Variants in CALD1 observed in about 807,000 individuals in gnomAD.
CALD1 encodes the protein caldesmon 1.
CALD1 carries 33 observed loss-of-function variants against 99.9 expected under a neutral mutation model. The ratio of observed to expected loss-of-function variants is 0.33; its 90% CI spans 0.25 to 0.44. The LOEUF (loss-of-function observed/expected upper bound fraction) is 0.44, where lower values mean the gene tolerates loss of function less well. Among genes scored for constraint, CALD1 ranks in the 20% least tolerant of loss-of-function variants. The pLI is 1.00. For missense variants in CALD1, 861 were observed against 962.1 expected (o/e 0.89, Z 1.39); for synonymous variants, 310 against 325.0 (o/e 0.95, Z 0.50).
chr7:134,951,139 A>G (rs1563127003), intron 9 of CALD1, among the ~76,000 whole-genome samples: 1 of 152,178 alleles, frequency 6.6e-6, no homozygotes. Flanking sequence ...CACTAGTCCC[A>G]TTCACAAGGG....
At chr7:134,790,258 A>T (rs1004586708) in intron 1 of CALD1, among the ~76,000 whole-genome samples, 1 of 152,136 alleles carries the variant, frequency 6.6e-6, no homozygotes, top group African/African-American at 2.4e-5. Flanking sequence ...CAGGTTAAGG[A>T]TGGTTGAGAA....
intron 3 of CALD1, among the ~76,000 whole-genome samples, chr7:134,898,198 T>C (rs563510707): frequency 6.6e-6 from 1 of 152,336 alleles, no homozygotes; most frequent in Non-Finnish European, 1.5e-5. Flanking sequence ...CGCTTCAACT[T>C]GCTGCGACAC....
rs978503279 is a variant in CALD1 at position 134,968,365 on chromosome 7, C to G, written c.*20C>G. 2 of 1,612,548 alleles carry G rather than the reference C, an allele frequency of 1.2e-6. No individual in the cohort carries two copies. The highest frequency in any genetic ancestry group is 3.3e-5 in the Admixed American group (2 of 59,998). On this transcript the variant is annotated 3_prime_UTR_variant, in exon 15 of 15. Transcript: ENST00000361675. ...GTTTGAGACAGTTCCAGAAAGAACCCAAGCTCAAGACGCAGGACGAGCTCA... is the reference window on the plus strand; with the variant it reads ...GTTTGAGACAGTTCCAGAAAGAACCGAAGCTCAAGACGCAGGACGAGCTCA...
intron 1 of CALD1, among the ~76,000 whole-genome samples, chr7:134,814,126 T>G (rs1798466166): frequency 6.6e-6 from 1 of 152,058 alleles, no homozygotes; most frequent in African/African-American, 2.4e-5. Context: ...GAGGATAATA[T>G]TTTCAGGAAG....
intron 1 of CALD1, among the ~76,000 whole-genome samples, chr7:134,790,425 T>C (rs778591183): frequency 6.6e-6 from 1 of 152,198 alleles, no homozygotes; most frequent in Non-Finnish European, 1.5e-5. Context: ...AGCTCCTCCC[T>C]AACTCCAACC....
chr7:134,812,758 T>C (rs1316412901), intron 1 of CALD1, among the ~76,000 whole-genome samples: 2 of 152,198 alleles, frequency 1.3e-5, no homozygotes, highest in Non-Finnish European at 1.5e-5. Context: ...ATTGGAATTG[T>C]TAAATAAGCA....
At chr7:134,726,351 ATATAT>A in the CALD1 span, among the ~76,000 whole-genome samples, 16 of 147,640 alleles carry the variant, frequency 1.1e-4, no homozygotes, top group Non-Finnish European at 1.6e-4. Flanking sequence ...ATTGATCTTT[ATATAT>A]TATATGTATA....
chr7:134,912,181 G>C (rs921833476), intron 3 of CALD1, among the ~76,000 whole-genome samples: 2 of 152,196 alleles, frequency 1.3e-5, no homozygotes, highest in Non-Finnish European at 2.9e-5. Context: ...CCATGTGACT[G>C]GTCCTGAGAG....
upstream of CALD1, among the ~76,000 whole-genome samples, chr7:134,743,918 C>G (rs1020071319): frequency 1.3e-5 from 2 of 152,166 alleles, no homozygotes; most frequent in Non-Finnish European, 2.9e-5. Context: ...TAGTATGATC[C>G]TCAAGCAGTT....
intron 2 of CALD1, among the ~76,000 whole-genome samples, chr7:134,856,475 A>G: frequency 6.6e-6 from 1 of 152,238 alleles, no homozygotes; most frequent in East Asian, 1.9e-4. Flanking sequence ...AAAATCAGGC[A>G]ACAGTTTTTT....
At chr7:134,736,711 G>A in the CALD1 span, among the ~76,000 whole-genome samples, 1 of 152,256 alleles carries the variant, frequency 6.6e-6, no homozygotes, top group East Asian at 1.9e-4. Context: ...GATGGGCCTG[G>A]ATACATTTTT....
intron 3 of CALD1, among the ~76,000 whole-genome samples, chr7:134,919,429 CCT>C (rs1270421000): frequency 1.3e-5 from 2 of 152,128 alleles, no homozygotes; most frequent in East Asian, 1.9e-4. Context: ...GCATATTTCC[CCT>C]GTTAGGGTCT....
chr7:134,784,063 A>T (rs148332467), intron 1 of CALD1, among the ~76,000 whole-genome samples: 2 of 152,340 alleles, frequency 1.3e-5, no homozygotes, highest in East Asian at 3.9e-4. Flanking sequence ...AGGAAAATAC[A>T]TTTTTAAAAG....
chr7:134,764,149 C>T (rs1796805875), intron 1 of CALD1, among the ~76,000 whole-genome samples: 2 of 152,074 alleles, frequency 1.3e-5, no homozygotes, highest in Admixed American at 1.3e-4. Flanking sequence ...ATTAGCTCCC[C>T]TTTCCAGACA....
At chr7:134,823,233 A>C (rs903801583) in intron 1 of CALD1, among the ~76,000 whole-genome samples, 4 of 152,178 alleles carry the variant, frequency 2.6e-5, no homozygotes, top group Non-Finnish European at 5.9e-5. Context: ...GGGATGAATA[A>C]AATATCTCGA....
upstream of CALD1, among the ~76,000 whole-genome samples, chr7:134,777,467 G>A (rs575340140): frequency 1.2e-4 from 19 of 152,250 alleles, no homozygotes; most frequent in South Asian, 2.9e-3. Flanking sequence ...GGTCCCTGCC[G>A]TGTTTCCTGT....
At chr7:134,891,205 A>G (rs977902862) in intron 3 of CALD1, among the ~76,000 whole-genome samples, 14 of 152,198 alleles carry the variant, frequency 9.2e-5, no homozygotes, top group African/African-American at 3.4e-4. Context: ...TACCTTGGAA[A>G]AATTATTTGT....
At chr7:134,777,001 T>C (rs1796923744), upstream of CALD1, among the ~76,000 whole-genome samples, 1 of 152,174 alleles carries the variant, frequency 6.6e-6, no homozygotes, top group Non-Finnish European at 1.5e-5. Context: ...GTCCTTTATC[T>C]AGGATGATCC....
intron 1 of CALD1, among the ~76,000 whole-genome samples, chr7:134,799,036 T>C (rs1797851145): frequency 6.6e-6 from 1 of 152,244 alleles, no homozygotes; most frequent in Non-Finnish European, 1.5e-5. Context: ...ATTCTAGATG[T>C]AGTTCAAATA....
Sources: allele counts gnomAD v4.1 joint callset (sites outside exome capture counted in the v4.1 genomes callset), GRCh38; gene constraint gnomAD v4.1.1; transcripts MANE v1.5; gene names NCBI Gene and HGNC (gene_info 2026-07-23, HGNC 2026-07-21).